The following PAAF1 variants were observed in gnomAD, a reference collection of about 807,000 sequenced individuals.
PAAF1 encodes the protein proteasomal ATPase-associated factor 1.
A neutral mutation model predicts 52.8 loss-of-function variants in PAAF1; 46 were observed. The ratio of observed to expected loss-of-function variants is 0.87; its 90% CI spans 0.69 to 1.11. The LOEUF (loss-of-function observed/expected upper bound fraction) is 1.11, where lower values mean the gene tolerates loss of function less well. Among genes scored for constraint, PAAF1 ranks in the 50% most tolerant of loss-of-function variants. The pLI, the probability that PAAF1 is intolerant of heterozygous loss-of-function variation, is 0.00. For synonymous variants in PAAF1, 178 were observed against 172.8 expected (o/e 1.03, Z -0.24); for missense variants, 424 against 477.4 (o/e 0.89, Z 1.04).
At chr11:73,904,887 T>C (rs968642301) in intron 6 of PAAF1, among the ~76,000 whole-genome samples, 4 of 152,244 alleles carry the variant, frequency 2.6e-5, no homozygotes, top group African/African-American at 9.6e-5. Context: ...CTGCTGAATC[T>C]TTTCTTGAAG....
chr11:73,912,512 C>T (rs1949960297), intron 7 of PAAF1, among the ~76,000 whole-genome samples: 1 of 151,952 alleles, frequency 6.6e-6, no homozygotes, highest in Non-Finnish European at 1.5e-5. Flanking sequence ...TCTATTTCTC[C>T]CTCTCCCTCC....
At position 73,914,475 on chromosome 11, in the gene PAAF1, C is replaced by CA. The variant is rs1410641043; in HGVS notation, c.791dup (p.Cys265ValfsTer74). On this transcript the variant is annotated frameshift_variant, in exon 8 of 12. Transcript: ENST00000310571. LOFTEE classifies it high-confidence loss of function. ...CTTGGCCCGGGAAGATAAGAAACTT[C>CA]AGTGCTTGGGACTACAGAGCAGGCA... 6.2e-7 allele frequency: 1 copy of CA among 1,613,994 alleles called. No homozygotes were observed. Among genetic ancestry groups the CA allele is most frequent in the Non-Finnish European group, 8.5e-7 (1 of 1,179,960 alleles).
intron 6 of PAAF1, among the ~76,000 whole-genome samples, chr11:73,906,474 C>T (rs1219405968): frequency 2.6e-5 from 4 of 152,162 alleles, no homozygotes; most frequent in African/African-American, 7.2e-5. Flanking sequence ...TGGTCTTGAA[C>T]TCCTGGCCTC....
At chr11:73,923,022 A>T (rs79033493) in intron 10 of PAAF1, among the ~76,000 whole-genome samples, 1,584 of 152,200 alleles carry the variant, frequency 0.01, 32 homozygotes, top group African/African-American at 0.035. Flanking sequence ...AGCTATTATC[A>T]ATATATTGCT....
At chr11:73,904,298 G>A (rs1011969512) in intron 6 of PAAF1, among the ~76,000 whole-genome samples, 11 of 152,046 alleles carry the variant, frequency 7.2e-5, no homozygotes, top group African/African-American at 2.7e-4. Context: ...ATTCTAAAAT[G>A]CACTTTAATC....
intron 11 of PAAF1, among the ~76,000 whole-genome samples, chr11:73,925,884 C>T (rs1447819400): frequency 6.6e-6 from 1 of 152,136 alleles, no homozygotes. Flanking sequence ...TTCCCTTTCT[C>T]TTTTCCAGAA....
rs1011471951 is a variant in PAAF1, at chr11:73,909,293, G to A, written c.533-106G>A. 2.5e-5 allele frequency: 25 copies of A among 1,000,362 alleles called. No individual in the cohort carries two copies. The African/African-American group carries it at 3.2e-4, about 13-fold the overall frequency. 62.0% of individuals were successfully genotyped at this position (1,000,362 alleles called of 1,614,324 possible). ...ATGGCCAGCATGTGGTACCTGTTCAGAACATGTTTGTGAAGGGATGGAGTC... is the reference window on the plus strand; with the variant it reads ...ATGGCCAGCATGTGGTACCTGTTCAAAACATGTTTGTGAAGGGATGGAGTC... On this transcript the variant is annotated intron_variant, in intron 6 of 11. Transcript: ENST00000310571.
intron 11 of PAAF1, among the ~76,000 whole-genome samples, chr11:73,925,935 A>G (rs1330340093): frequency 1.3e-5 from 2 of 152,136 alleles, no homozygotes; most frequent in Non-Finnish European, 2.9e-5. Context: ...TTTCAAGACT[A>G]TTTTCAGAGA....
intron 4 of PAAF1, among the ~76,000 whole-genome samples, chr11:73,896,677 A>T (rs1443641289): frequency 3.3e-5 from 5 of 152,190 alleles, no homozygotes; most frequent in African/African-American, 1.2e-4. Flanking sequence ...GAACAAAATG[A>T]AAAGTCTCCC....
At chr11:73,893,392 C>G (rs973129627) in intron 4 of PAAF1, among the ~76,000 whole-genome samples, 1 of 151,872 alleles carries the variant, frequency 6.6e-6, no homozygotes, top group Non-Finnish European at 1.5e-5. Flanking sequence ...TTAATTAAAT[C>G]TTATGTTAAA....
At chr11:73,899,400 C>G (rs371293248) in intron 5 of PAAF1, among the ~76,000 whole-genome samples, 156 bp downstream of exon 5, 1 of 135,960 alleles carries the variant, frequency 7.4e-6, no homozygotes, top group East Asian at 2.1e-4. Flanking sequence ...GTTTCTTTTT[C>G]TTTTTCTCTT....
chr11:73,892,704 G>A (rs924562343), intron 4 of PAAF1, among the ~76,000 whole-genome samples: 2 of 152,102 alleles, frequency 1.3e-5, no homozygotes, highest in Non-Finnish European at 2.9e-5. Flanking sequence ...CTGTTGCCCA[G>A]GCTGGAGTGC....
At chr11:73,883,306 T>C in intron 2 of PAAF1, among the ~76,000 whole-genome samples, 1 of 152,206 alleles carries the variant, frequency 6.6e-6, no homozygotes. Context: ...AAATGTGTGC[T>C]ATCTATGTGC....
Position 73,921,110 on chromosome 11 carries a change from G to A in PAAF1, c.1018+2078G>A, listed in dbSNP as rs570700602. On this transcript the variant is annotated intron_variant, in intron 10 of 11. Coordinates refer to ENST00000310571, the MANE Select transcript of PAAF1 (RefSeq NM_025155.3). ...AGGTCAGGAGTTTAAGACCAGCCTG[G>A]CCAACATAGCGAAACGCCATCTCTA... Among the ~76,000 whole-genome samples, 5 of 152,184 alleles carry A rather than the reference G, an allele frequency of 3.3e-5. No individual in the cohort carries two copies. In the East Asian group the frequency reaches 9.7e-4, roughly 29 times the overall value.
intron 2 of PAAF1, among the ~76,000 whole-genome samples, chr11:73,883,013 C>T (rs896097012): frequency 2.0e-5 from 3 of 152,144 alleles, no homozygotes; most frequent in African/African-American, 7.2e-5. Context: ...GATCCTCCCA[C>T]TTCAGCCTCC....
intron 10 of PAAF1, among the ~76,000 whole-genome samples, chr11:73,923,463 G>A (rs1318210498): frequency 2.0e-5 from 3 of 152,206 alleles, no homozygotes; most frequent in East Asian, 3.9e-4. Flanking sequence ...GATTAGGGGT[G>A]ATTTTTGTAC....
intron 9 of PAAF1, among the ~76,000 whole-genome samples, chr11:73,917,922 A>C (rs77162976): frequency 1.3e-5 from 2 of 152,220 alleles, no homozygotes; most frequent in East Asian, 3.9e-4. Flanking sequence ...CCTGGAGTCT[A>C]ATGGTAAAGA....
At chr11:73,901,097 A>G (rs1306625703) in intron 6 of PAAF1, among the ~76,000 whole-genome samples, 1 of 149,196 alleles carries the variant, frequency 6.7e-6, no homozygotes, top group African/African-American at 2.5e-5. Flanking sequence ...AGAGAGAGAG[A>G]GTGAGAGAAA....
At chr11:73,886,668 A>ATC (rs1949065048) in intron 2 of PAAF1, among the ~76,000 whole-genome samples, 1 of 114,082 alleles carries the variant, frequency 8.8e-6, no homozygotes, top group Non-Finnish European at 1.8e-5. Flanking sequence ...GCAAGACTCC[A>ATC]TCTCAAAAAA....
Sources: allele counts gnomAD v4.1 joint callset (sites outside exome capture counted in the v4.1 genomes callset), GRCh38; gene constraint gnomAD v4.1.1; transcripts MANE v1.5; gene names NCBI Gene and HGNC (gene_info 2026-07-23, HGNC 2026-07-21).